Variants in PRKG1 observed in about 807,000 individuals in gnomAD.
PRKG1 encodes protein kinase cGMP-dependent 1.
PRKG1 carries 35 observed loss-of-function variants against 88.1 expected under a neutral mutation model. The ratio of observed to expected loss-of-function variants is 0.40; its 90% confidence interval spans 0.30 to 0.53. PRKG1 has a LOEUF of 0.53. PRKG1 is among the 20% of genes least tolerant of loss of function. The pLI is 0.59. For synonymous variants in PRKG1, 303 were observed against 292.5 expected (o/e 1.04, Z -0.37); for missense variants, 540 against 839.8 (o/e 0.64, Z 4.41).
intron 3 of PRKG1, among the ~76,000 whole-genome samples, chr10:51,641,676 C>T (rs933829090): frequency 6.6e-6 from 1 of 152,064 alleles, no homozygotes; most frequent in East Asian, 1.9e-4. Context: ...ATGGCAAAAC[C>T]GCGATGACTT....
intron 2 of PRKG1, among the ~76,000 whole-genome samples, chr10:51,273,988 G>A (rs906329916): frequency 6.6e-6 from 1 of 152,182 alleles, no homozygotes; most frequent in African/African-American, 2.4e-5. Context: ...AAGCCTCCAT[G>A]AGCTTTGGCA....
intron 1 of PRKG1, among the ~76,000 whole-genome samples, chr10:51,122,786 C>T (rs1181912144): frequency 3.3e-5 from 5 of 152,172 alleles, no homozygotes; most frequent in Non-Finnish European, 7.3e-5. Context: ...TGTCATAAAC[C>T]ACCTACTTCA....
At chr10:51,850,057 G>T (rs1310045491) in intron 4 of PRKG1, among the ~76,000 whole-genome samples, 2 of 152,190 alleles carry the variant, frequency 1.3e-5, no homozygotes, top group African/African-American at 4.8e-5. Flanking sequence ...ATTTGAAAGT[G>T]TAAGAATGAA....
intron 3 of PRKG1, among the ~76,000 whole-genome samples, chr10:51,789,192 C>T (rs1007160306): frequency 3.3e-5 from 5 of 152,300 alleles, no homozygotes; most frequent in Admixed American, 1.3e-4. Context: ...TACTCATTTT[C>T]CTAATGAGGT....
At chr10:51,895,648 C>G (rs1041490027) in intron 4 of PRKG1, among the ~76,000 whole-genome samples, 10 of 152,024 alleles carry the variant, frequency 6.6e-5, no homozygotes, top group African/African-American at 2.2e-4. Flanking sequence ...AATATCTTCC[C>G]TATATTGTTC....
chr10:51,722,548 C>G (rs10999086), intron 3 of PRKG1, among the ~76,000 whole-genome samples: 13,108 of 151,940 alleles, frequency 0.086, 613 homozygotes, highest in African/African-American at 0.093. Context: ...TTTGCAATAA[C>G]CTTATGATCT....
intron 3 of PRKG1, among the ~76,000 whole-genome samples, chr10:51,773,739 T>C (rs866420111): frequency 1.3e-5 from 2 of 152,248 alleles, no homozygotes. Context: ...GTACCATTAT[T>C]CATCTCATTT....
chr10:51,698,127 T>C (rs1268090240), intron 3 of PRKG1: 4 of 1,613,976 alleles, frequency 2.5e-6, no homozygotes, highest in Non-Finnish European at 3.4e-6. Flanking sequence ...GGACCCTGAA[T>C]TCCACCAGTC....
intron 3 of PRKG1, among the ~76,000 whole-genome samples, chr10:51,800,334 T>C (rs1438525088): frequency 3.3e-5 from 5 of 152,130 alleles, no homozygotes; most frequent in Non-Finnish European, 7.4e-5. Context: ...AATGGGGTTA[T>C]ATCCTAATAA....
chr10:51,618,463 GTCA>G (rs1315636135), intron 3 of PRKG1, among the ~76,000 whole-genome samples: 1 of 152,252 alleles, frequency 6.6e-6, no homozygotes, highest in Non-Finnish European at 1.5e-5. Flanking sequence ...CATTGTCATT[GTCA>G]TCATCATCAT....
At chr10:52,106,289 G>A (rs888929118) in intron 7 of PRKG1, among the ~76,000 whole-genome samples, 7 of 152,122 alleles carry the variant, frequency 4.6e-5, no homozygotes, top group Admixed American at 6.6e-5. Flanking sequence ...TTTCTAGACC[G>A]GGGTTGCCAA....
Position 51,221,976 on chromosome 10 carries a change from G to A in PRKG1, c.478+68646G>A, listed in dbSNP as rs184081612. On this transcript the variant is annotated intron_variant, in intron 2 of 17. Coordinates refer to ENST00000373980, the MANE Select transcript of PRKG1 (RefSeq NM_006258.4). ...TGTAACTTCTGTATCCCGGGTTCAA[G>A]CAATTCTCCTGCCTTGGCCTCCCGA... 3.7e-3 allele frequency among the ~76,000 whole-genome samples: 554 copies of A among 148,768 alleles called. 3 individuals carry two copies. Among genetic ancestry groups the A allele is most frequent in the African/African-American group, 0.013 (522 of 40,404 alleles).
chr10:51,345,115 TTA>T (rs1221039735), intron 2 of PRKG1, among the ~76,000 whole-genome samples: 1 of 152,174 alleles, frequency 6.6e-6, no homozygotes, highest in African/African-American at 2.4e-5. Context: ...GGTGCTGCGT[TTA>T]TGTCAGAAAA....
chr10:51,714,727 TG>T (rs1841845122), intron 3 of PRKG1, among the ~76,000 whole-genome samples: 1 of 152,192 alleles, frequency 6.6e-6, no homozygotes, highest in South Asian at 2.1e-4. Flanking sequence ...TATCATCACT[TG>T]GAGCAGTAGT....
rs912340385 is a variant in PRKG1 at position 52,103,546 on chromosome 10, G to T, written c.936-30294G>T. On this transcript the variant is annotated intron_variant, in intron 7 of 17. Transcript: ENST00000373980. The stretch of plus-strand genomic sequence containing the variant: ...CATTTTTTCTCTAGCTTACTTTCTT[G>T]TAAGAATACAGTATGTGACACATAT... Among the ~76,000 whole-genome samples the T allele has an allele frequency of 2.6e-5, 4 of 152,032 alleles. No individual in the cohort carries two copies. In the South Asian group the frequency reaches 8.3e-4, roughly 32 times the overall value.
At chr10:51,578,873 C>A (rs12146154) in intron 3 of PRKG1, among the ~76,000 whole-genome samples, 3 of 151,412 alleles carry the variant, frequency 2.0e-5, no homozygotes, top group Non-Finnish European at 4.4e-5. Flanking sequence ...AACCATAGAC[C>A]ATATAGCATA....
intron 2 of PRKG1, among the ~76,000 whole-genome samples, chr10:51,253,096 C>T (rs1456968192): frequency 5.9e-5 from 9 of 151,748 alleles, no homozygotes; most frequent in African/African-American, 1.5e-4. Flanking sequence ...TTCAATTCAT[C>T]GGAGAGCTAC....
At chr10:51,296,108 T>G (rs528262299) in intron 2 of PRKG1, among the ~76,000 whole-genome samples, 1 of 152,292 alleles carries the variant, frequency 6.6e-6, no homozygotes, top group African/African-American at 2.4e-5. Context: ...GCATCAGTAT[T>G]TATCAGGAAT....
chr10:51,444,600 G>C (rs1041407697), intron 2 of PRKG1, among the ~76,000 whole-genome samples: 1 of 151,876 alleles, frequency 6.6e-6, no homozygotes, highest in Non-Finnish European at 1.5e-5. Context: ...GCAGCATCTT[G>C]AATACTTTCT....
Sources: allele counts gnomAD v4.1 joint callset (sites outside exome capture counted in the v4.1 genomes callset), GRCh38; gene constraint gnomAD v4.1.1; transcripts MANE v1.5; gene names NCBI Gene and HGNC (gene_info 2026-07-23, HGNC 2026-07-21).